The following PCNX2 variants were observed in gnomAD, a reference collection of about 807,000 sequenced individuals.
The protein encoded by PCNX2 is pecanex-like protein 2.
In PCNX2, 168 loss-of-function variants were observed where a neutral mutation model predicts 223.8. That is an observed-to-expected ratio of 0.75 (90% CI 0.66 to 0.85). The LOEUF (loss-of-function observed/expected upper bound fraction) is 0.85, where lower values mean the gene tolerates loss of function less well. Among genes scored for constraint, PCNX2 ranks in the 40% least tolerant of loss-of-function variants. The probability of loss-of-function intolerance (pLI) is 0.00; values close to 1 mark genes in which losing one functional copy is unlikely to be tolerated. For synonymous variants in PCNX2, 1,006 were observed against 1,052.6 expected, an observed-to-expected ratio of 0.96 and a Z score of 0.86; for missense variants, 2,507 against 2,675.5, an observed-to-expected ratio of 0.94 and a Z score of 1.39.
Position 233,218,156 on chromosome 1 carries a change from C to G in PCNX2, c.2533G>C (p.Ala845Pro). The G allele has an allele frequency of 6.5e-7, 1 of 1,530,356 alleles. No individual in the cohort carries two copies. The highest frequency in any genetic ancestry group is 1.4e-5 in the African/African-American group (1 of 69,938). The allele number at this position is 1,530,356 out of a possible 1,614,324, so 94.8% of individuals were successfully genotyped here. A position where few individuals can be genotyped will look rare whatever the true frequency, so the allele number is the denominator to read the frequency against. ...GAAACCAGGACAATGAGTAAAATCG[C>G]CAGTACATTCTCCTTGATGTCTTCA... Reference protein sequence around the residue: ...RTEDIKENVLAILLIVLVSLL... With the variant: ...RTEDIKENVLPILLIVLVSLL... The change falls in exon 11 of 34, where the codon GCG becomes CCG. Residue 845 changes from alanine (A) to proline (P), a missense_variant. By Grantham distance (27) the Ala-to-Pro change is conservative. Around this residue, in one of 3 missense-constraint regions of PCNX2, gnomAD observed 104 missense variants for 144.4 expected, o/e 0.72. Transcript: ENST00000258229.
At chr1:233,124,320 C>G (rs1041749565) in intron 21 of PCNX2, among the ~76,000 whole-genome samples, 3 of 151,936 alleles carry the variant, frequency 2.0e-5, no homozygotes, top group South Asian at 4.1e-4. Context: ...ATCCAGCAGA[C>G]AGCAAACTGT....
intron 15 of PCNX2, among the ~76,000 whole-genome samples, chr1:233,197,339 T>C (rs1270724178): frequency 2.0e-5 from 3 of 152,200 alleles, no homozygotes. Flanking sequence ...AAAACACCTG[T>C]GACCCCAGAG....
chr1:233,241,192 T>C (rs1277968918), intron 8 of PCNX2: 1 of 985,246 alleles, frequency 1.0e-6, no homozygotes, highest in Non-Finnish European at 1.2e-6. Flanking sequence ...GACAGTAAAA[T>C]TTGTGTGAGT....
At chr1:233,316,010 GATAGTTTACTTCAGAAAGGAT>G in the PCNX2 span, among the ~76,000 whole-genome samples, 1 of 152,218 alleles carries the variant, frequency 6.6e-6, no homozygotes, top group Non-Finnish European at 1.5e-5. Context: ...TCATGAGCTT[GATAGTTTACTTCAGAAAGGAT>G]ATCTTCCAGG....
chr1:233,005,361 C>T (rs895960175), intron 28 of PCNX2, among the ~76,000 whole-genome samples: 4 of 152,152 alleles, frequency 2.6e-5, no homozygotes, highest in African/African-American at 9.7e-5. Context: ...AGTGTTTGCC[C>T]AGCTGCGTGT....
chr1:233,228,599 T>C (rs1305935584), intron 9 of PCNX2, among the ~76,000 whole-genome samples: 3 of 152,172 alleles, frequency 2.0e-5, no homozygotes, highest in East Asian at 1.9e-4. Flanking sequence ...CTCGGCATAG[T>C]GTCCTCAAGC....
At chr1:233,144,898 T>G (rs1677334441) in intron 19 of PCNX2, among the ~76,000 whole-genome samples, 1 of 151,768 alleles carries the variant, frequency 6.6e-6, no homozygotes, top group African/African-American at 2.4e-5. Flanking sequence ...ATATTACAAC[T>G]TCTCATTTTT....
intron 13 of PCNX2, among the ~76,000 whole-genome samples, chr1:233,204,169 T>C (rs1681308218): frequency 6.6e-6 from 1 of 152,040 alleles, no homozygotes; most frequent in South Asian, 2.1e-4. Flanking sequence ...ATGACTGGTG[T>C]CCTTATGAAA....
At chr1:233,274,188 G>A (rs1330215450) in intron 1 of PCNX2, among the ~76,000 whole-genome samples, 1 of 152,126 alleles carries the variant, frequency 6.6e-6, no homozygotes, top group Non-Finnish European at 1.5e-5. Flanking sequence ...TAAAATCATG[G>A]ACTTCATCCA....
At chr1:233,093,256 C>A (rs1485012829) in intron 22 of PCNX2, among the ~76,000 whole-genome samples, 3 of 152,232 alleles carry the variant, frequency 2.0e-5, no homozygotes, top group Non-Finnish European at 2.9e-5. Context: ...GGTCTCTACA[C>A]ATATTAAAAG....
Position 233,106,648 on chromosome 1 carries a change from G to C in PCNX2, c.3838-10785C>G, listed in dbSNP as rs1034234795. Among the ~76,000 whole-genome samples the C allele has an allele frequency of 3.3e-5, 5 of 152,158 alleles. No individual in the cohort carries two copies. In the East Asian group the frequency reaches 7.7e-4, roughly 24 times the overall value. ...ATTACAGGCTTCCTCCCTCTTAAAG[G>C]TCTTATAATCTTGTGTGTAGCGAAT... On this transcript the variant is annotated intron_variant, in intron 21 of 33. Transcript: ENST00000258229.
At position 232,999,395 on chromosome 1, in the gene PCNX2, G is replaced by A. The variant is rs933639174; in HGVS notation, c.5329-16C>T. 1 of 1,574,766 alleles carries A rather than the reference G, an allele frequency of 6.4e-7. No individual in the cohort carries two copies. Among genetic ancestry groups the A allele is most frequent in the Non-Finnish European group, 8.6e-7 (1 of 1,159,368 alleles). ...CTTTGTTAACCTGCAGGTCAGAGAGGGAACGGGAAGAAAGGCAGAAGGCCT... is the reference window on the plus strand; with the variant it reads ...CTTTGTTAACCTGCAGGTCAGAGAGAGAACGGGAAGAAAGGCAGAAGGCCT... On this transcript the variant is annotated splice_polypyrimidine_tract_variant and intron_variant, in intron 30 of 33. Coordinates refer to ENST00000258229, the MANE Select transcript of PCNX2 (RefSeq NM_014801.4).
chr1:233,219,339 AG>A (rs1657227241), intron 10 of PCNX2, among the ~76,000 whole-genome samples: 1 of 152,144 alleles, frequency 6.6e-6, no homozygotes, highest in African/African-American at 2.4e-5. Context: ...GAGCAGAGAC[AG>A]GATTATAATG....
At chr1:233,296,867 A>T (rs1662154178), upstream of PCNX2, among the ~76,000 whole-genome samples, 2 of 152,230 alleles carry the variant, frequency 1.3e-5, 1 homozygote, top group South Asian at 4.1e-4. Flanking sequence ...GAAGATAAGG[A>T]CAGGCCCATC....
At chr1:233,290,756 A>C in intron 1 of PCNX2, 1 of 984,272 alleles carries the variant, frequency 1.0e-6, no homozygotes, top group Non-Finnish European at 1.2e-6. Flanking sequence ...GGTCTCTAAG[A>C]TTAAATTTTA....
chr1:233,275,259 G>A (rs553401841), intron 1 of PCNX2, among the ~76,000 whole-genome samples: 6 of 152,094 alleles, frequency 3.9e-5, no homozygotes, highest in Non-Finnish European at 7.4e-5. Flanking sequence ...GCTGGAGTGC[G>A]TGGTGAGATC....
chr1:233,172,075 A>C (rs1310913589), intron 17 of PCNX2, among the ~76,000 whole-genome samples: 1 of 152,112 alleles, frequency 6.6e-6, no homozygotes, highest in Admixed American at 6.5e-5. Context: ...GATTGTTTTA[A>C]ATATTTTCTA....
Position 233,258,013 on chromosome 1 carries a change from G to T in PCNX2, c.1834+15C>A. On this transcript the variant is annotated intron_variant, in intron 5 of 33. Coordinates refer to ENST00000258229, the MANE Select transcript of PCNX2 (RefSeq NM_014801.4). Reference sequence around the variant, plus strand: ...TCTATGTCATCATCAGAACGGAAATGACATGGAATCGCACCTCGGAGAAGC... The same window carrying T: ...TCTATGTCATCATCAGAACGGAAATTACATGGAATCGCACCTCGGAGAAGC... 2 of 1,604,758 alleles carry T rather than the reference G, an allele frequency of 1.2e-6. No individual in the cohort carries two copies. Among genetic ancestry groups the T allele is most frequent in the South Asian group, 2.2e-5 (2 of 90,482 alleles).
intron 17 of PCNX2, 79 bp downstream of exon 17, chr1:233,177,723 C>A: frequency 1.6e-6 from 2 of 1,252,442 alleles, no homozygotes; most frequent in East Asian, 2.3e-5. Flanking sequence ...GTCCACCTGC[C>A]TAGAGCTCCA....
Sources: allele counts gnomAD v4.1 joint callset (sites outside exome capture counted in the v4.1 genomes callset), GRCh38; gene constraint gnomAD v4.1.1; regional missense constraint gnomAD v4.1.1; transcripts MANE v1.5; gene names NCBI Gene and HGNC (gene_info 2026-07-23, HGNC 2026-07-21).